Variants in ARHGAP24 observed in about 807,000 individuals in gnomAD.
ARHGAP24 encodes rho GTPase-activating protein 24.
In ARHGAP24, 50 loss-of-function variants were observed where a neutral mutation model predicts 76.4. That is an observed-to-expected ratio of 0.65 (90% CI 0.52 to 0.83). The LOEUF (loss-of-function observed/expected upper bound fraction) is 0.83. Among genes scored for constraint, ARHGAP24 ranks in the 40% least tolerant of loss-of-function variants. ARHGAP24 has a pLI of 0.00. For missense variants in ARHGAP24, 930 were observed against 914.2 expected (o/e 1.02, Z -0.22); for synonymous variants, 345 against 323.3 (o/e 1.07, Z -0.72).
At chr4:85,525,383 C>T (rs769012674) in intron 1 of ARHGAP24, among the ~76,000 whole-genome samples, 5 of 148,414 alleles carry the variant, frequency 3.4e-5, no homozygotes, top group Non-Finnish European at 7.4e-5. Context: ...TTCCTTTTTG[C>T]ATTCTTTAAG....
Position 86,001,237 on chromosome 4 carries a change from C to A in ARHGAP24, c.*515C>A, listed in dbSNP as rs909971587. ...ATCAGAAGAATACTTTGTGGCTGTG[C>A]TGTTTGTGCCAATAGACTTTGTCAT... On this transcript the variant is annotated 3_prime_UTR_variant, in exon 10 of 10. Coordinates refer to ENST00000395184, the MANE Select transcript of ARHGAP24 (RefSeq NM_001025616.3). 19 of 398,782 alleles carry A rather than the reference C, an allele frequency of 4.8e-5. No homozygotes were observed. Among genetic ancestry groups the A allele is most frequent in the African/African-American group, 3.3e-4 (16 of 48,568 alleles). The allele number at this position is 398,782 out of a possible 1,614,324, so 24.7% of individuals were successfully genotyped here.
At chr4:85,872,657 G>A (rs994133931) in intron 3 of ARHGAP24, among the ~76,000 whole-genome samples, 43 of 136,640 alleles carry the variant, frequency 3.1e-4, no homozygotes, top group Non-Finnish European at 5.3e-4. Flanking sequence ...GAGTACAGTG[G>A]CACAATCTCA....
chr4:85,682,732 C>G (rs1723253767), intron 2 of ARHGAP24, among the ~76,000 whole-genome samples: 1 of 152,178 alleles, frequency 6.6e-6, no homozygotes, highest in Non-Finnish European at 1.5e-5. Context: ...AGCTCCTCCT[C>G]TTGACAGACA....
At chr4:85,750,905 A>C (rs1408717597) in intron 3 of ARHGAP24, among the ~76,000 whole-genome samples, 1 of 152,140 alleles carries the variant, frequency 6.6e-6, no homozygotes, top group Non-Finnish European at 1.5e-5. Context: ...TCTCTTCTAC[A>C]CAGTTTTGTT....
At chr4:85,922,354 C>G (rs1229550993) in intron 3 of ARHGAP24, among the ~76,000 whole-genome samples, 1 of 152,084 alleles carries the variant, frequency 6.6e-6, no homozygotes, top group Non-Finnish European at 1.5e-5. Context: ...ATGTGTGGAC[C>G]AGATTGAGTG....
chr4:85,591,031 G>GTTTTTTT (rs35373441), intron 2 of ARHGAP24, among the ~76,000 whole-genome samples: 10 of 62,652 alleles, frequency 1.6e-4, no homozygotes, highest in African/African-American at 4.7e-4. Context: ...AATCTGCTGG[G>GTTTTTTT]TTTTTTTTTT....
intron 1 of ARHGAP24, among the ~76,000 whole-genome samples, chr4:85,512,845 G>A (rs989125495): frequency 9.8e-5 from 15 of 152,286 alleles, no homozygotes; most frequent in Middle Eastern, 3.4e-3. Context: ...ATTTCCTATT[G>A]TTAAAAAGAA....
At chr4:85,749,699 G>A (rs1726184938) in intron 3 of ARHGAP24, among the ~76,000 whole-genome samples, 2 of 152,136 alleles carry the variant, frequency 1.3e-5, no homozygotes, top group African/African-American at 4.8e-5. Context: ...CTGAGTAGCT[G>A]GGATTACAGG....
intron 2 of ARHGAP24, chr4:85,604,092 A>C (rs1485781706): frequency 6.6e-6 from 1 of 152,230 alleles, no homozygotes; most frequent in Non-Finnish European, 1.5e-5. Context: ...GACTGCAAAA[A>C]CTGATGACGT....
chr4:85,809,340 TAAG>T (rs1234404737), intron 3 of ARHGAP24, among the ~76,000 whole-genome samples: 1 of 152,056 alleles, frequency 6.6e-6, no homozygotes, highest in African/African-American at 2.4e-5. Flanking sequence ...TTGTAAAAAT[TAAG>T]AAAAGAAATA....
chr4:85,960,093 A>C (rs1738157436), intron 5 of ARHGAP24, among the ~76,000 whole-genome samples: 1 of 152,138 alleles, frequency 6.6e-6, no homozygotes, highest in Non-Finnish European at 1.5e-5. Flanking sequence ...GTCCGCACAA[A>C]ACTTGTTCCT....
At chr4:85,760,843 G>A (rs937295872) in intron 3 of ARHGAP24, among the ~76,000 whole-genome samples, 11 of 152,130 alleles carry the variant, frequency 7.2e-5, no homozygotes, top group African/African-American at 1.9e-4. Flanking sequence ...AAATTGAACA[G>A]CCCAACTGTG....
At chr4:85,520,545 G>A (rs1258156955) in intron 1 of ARHGAP24, among the ~76,000 whole-genome samples, 1 of 152,114 alleles carries the variant, frequency 6.6e-6, no homozygotes, top group African/African-American at 2.4e-5. Flanking sequence ...ATTTACAAAT[G>A]TGGGCAATGA....
chr4:85,885,605 T>C (rs149711548), intron 3 of ARHGAP24, among the ~76,000 whole-genome samples: 249 of 152,254 alleles, frequency 1.6e-3, no homozygotes, highest in African/African-American at 5.4e-3. Context: ...GTCTTAGACT[T>C]AAAATAATAA....
At chr4:85,886,806 A>G (rs969811722) in intron 3 of ARHGAP24, among the ~76,000 whole-genome samples, 32 of 152,184 alleles carry the variant, frequency 2.1e-4, no homozygotes, top group African/African-American at 6.8e-4. Context: ...CTGATATGAA[A>G]ATAATAGCTC....
chr4:85,752,801 G>T (rs1242593825), intron 3 of ARHGAP24, among the ~76,000 whole-genome samples: 1 of 152,216 alleles, frequency 6.6e-6, no homozygotes, highest in Non-Finnish European at 1.5e-5. Context: ...GAAGACAGAT[G>T]TAACGTGCCT....
chr4:85,760,519 G>A (rs979143551), intron 3 of ARHGAP24, among the ~76,000 whole-genome samples: 1 of 152,112 alleles, frequency 6.6e-6, no homozygotes, highest in Non-Finnish European at 1.5e-5. Context: ...TTCCCATATG[G>A]CAACAGAAAT....
chr4:85,817,509 T>G (rs1409181597), intron 3 of ARHGAP24, among the ~76,000 whole-genome samples: 2 of 152,164 alleles, frequency 1.3e-5, no homozygotes, highest in Non-Finnish European at 2.9e-5. Context: ...TATCCTTAAA[T>G]GAGAAGTAAG....
intron 3 of ARHGAP24, among the ~76,000 whole-genome samples, chr4:85,764,459 T>C (rs1236945881): frequency 6.6e-6 from 1 of 152,128 alleles, no homozygotes; most frequent in Non-Finnish European, 1.5e-5. Flanking sequence ...TCATTCTTTG[T>C]AGAGATAACC....
Sources: gnomAD v4.1 joint callset for allele counts (sites outside exome capture counted in the v4.1 genomes callset) on GRCh38, gnomAD v4.1.1 for gene constraint, MANE v1.5 for transcripts, NCBI Gene and HGNC (gene_info 2026-07-23, HGNC 2026-07-21) for gene names.